The following STX17 variants were observed in gnomAD, a reference collection of about 807,000 sequenced individuals.
The protein encoded by STX17 is syntaxin 17.
Under a neutral mutation model 35.9 loss-of-function variants are expected in STX17, and 29 were observed. The observed-to-expected ratio is 0.81, with a 90% CI of 0.60 to 1.10. The LOEUF is 1.10. Ranked by LOEUF, STX17 falls within the 50% of genes least tolerant of loss-of-function variation. The probability of loss-of-function intolerance (pLI) is 0.00; values close to 1 mark genes in which losing one functional copy is unlikely to be tolerated. For missense variants in STX17, 312 were observed against 352.3 expected, an observed-to-expected ratio of 0.89 and a Z score of 0.92; for synonymous variants, 92 against 118.3, an observed-to-expected ratio of 0.78 and a Z score of 1.44.
chr9:99,950,110 G>A (rs1829563970), intron 3 of STX17, among the ~76,000 whole-genome samples: 1 of 151,876 alleles, frequency 6.6e-6, no homozygotes, highest in Non-Finnish European at 1.5e-5. Flanking sequence ...ATTCATTATA[G>A]CAACATATTA....
chr9:99,916,692 G>T (rs908035855), intron 2 of STX17, among the ~76,000 whole-genome samples: 1 of 151,988 alleles, frequency 6.6e-6, no homozygotes, highest in Non-Finnish European at 1.5e-5. Flanking sequence ...CTAGAATTTA[G>T]GATTAGTATT....
At chr9:99,921,969 G>A (rs1828897856) in intron 2 of STX17, among the ~76,000 whole-genome samples, 1 of 152,018 alleles carries the variant, frequency 6.6e-6, no homozygotes, top group Non-Finnish European at 1.5e-5. Flanking sequence ...AAAAAATATG[G>A]AGTTGAATAG....
chr9:99,956,076 C>T (rs956915887), intron 4 of STX17, among the ~76,000 whole-genome samples: 1 of 152,006 alleles, frequency 6.6e-6, no homozygotes, highest in Non-Finnish European at 1.5e-5. Context: ...AATTGATTAG[C>T]GAGGTTTAGA....
chr9:99,941,080 A>G (rs943536725), intron 3 of STX17, among the ~76,000 whole-genome samples: 2 of 152,224 alleles, frequency 1.3e-5, no homozygotes, highest in Non-Finnish European at 2.9e-5. Context: ...AATGTTTCAT[A>G]TGCTAGTGAC....
chr9:99,921,416 A>C (rs1356001459), intron 2 of STX17, among the ~76,000 whole-genome samples: 1 of 152,052 alleles, frequency 6.6e-6, no homozygotes, highest in Non-Finnish European at 1.5e-5. Context: ...TGGACTTTAC[A>C]GTTATCATTG....
chr9:99,926,642 T>C (rs1030668960), intron 2 of STX17, among the ~76,000 whole-genome samples: 7 of 151,902 alleles, frequency 4.6e-5, no homozygotes, highest in Non-Finnish European at 1.5e-5. Context: ...GGACTACAGG[T>C]GCCTGTCACC....
intron 4 of STX17, among the ~76,000 whole-genome samples, chr9:99,959,243 T>TA (rs1394800291): frequency 2.6e-5 from 4 of 151,038 alleles, no homozygotes; most frequent in Non-Finnish European, 3.0e-5. Flanking sequence ...CTGTGTAGAT[T>TA]AAAAAAATAT....
rs1197925186 is a variant in STX17, at chr9:99,970,830, A to C, written c.*2157A>C. Reference sequence around the variant, plus strand: ...TCATTATAAGGTAAATCTGGTTTACATAAAGACCTGAAGGAGGCCTGTATT... The same window carrying C: ...TCATTATAAGGTAAATCTGGTTTACCTAAAGACCTGAAGGAGGCCTGTATT... On this transcript the variant is annotated 3_prime_UTR_variant, in exon 8 of 8. Coordinates refer to ENST00000259400, the MANE Select transcript of STX17 (RefSeq NM_017919.3). Among the ~76,000 whole-genome samples the C allele has an allele frequency of 6.6e-6, 1 of 152,226 alleles. No individual in the cohort carries two copies. Among genetic ancestry groups the C allele is most frequent in the African/African-American group, 2.4e-5 (1 of 41,448 alleles).
rs1049443542 is a variant in STX17, at chr9:99,911,911, A to G, written c.-62-3267A>G. On this transcript the variant is annotated intron_variant, in intron 1 of 7. Coordinates refer to ENST00000259400, the MANE Select transcript of STX17 (RefSeq NM_017919.3). Reference sequence around the variant, plus strand: ...TTTCATAATGGCTGTACTAATTTACATTCCCACCAACAGTGTATAAGAGTC... The same window carrying G: ...TTTCATAATGGCTGTACTAATTTACGTTCCCACCAACAGTGTATAAGAGTC... Among the ~76,000 whole-genome samples, 20 of 152,152 alleles carry G rather than the reference A, an allele frequency of 1.3e-4. 1 individual carries two copies. The highest frequency in any genetic ancestry group is 9.8e-4 in the Admixed American group (15 of 15,276).
rs540118003 is a variant in STX17, at chr9:99,972,424, C to T, written c.*3751C>T. Among the ~76,000 whole-genome samples the T allele has an allele frequency of 1.2e-4, 18 of 152,258 alleles. No homozygotes were observed. Among genetic ancestry groups the T allele is most frequent in the Admixed American group, 3.3e-4 (5 of 15,282 alleles). ...TAGACCAATTTTGAAACTGTTCTTT[C>T]AGAATTGCCTCCAAAGACATTTTGC... On this transcript the variant is annotated 3_prime_UTR_variant, in exon 8 of 8. Coordinates refer to ENST00000259400, the MANE Select transcript of STX17 (RefSeq NM_017919.3).
At chr9:99,950,891 C>A (rs1169355184) in intron 3 of STX17, among the ~76,000 whole-genome samples, 169 bp from the exon 4 acceptor site, 1 of 151,918 alleles carries the variant, frequency 6.6e-6, no homozygotes, top group East Asian at 1.9e-4. Flanking sequence ...TCCAAAGATG[C>A]TGCATTTGGC....
intron 1 of STX17, 142 bp from the exon 2 acceptor site, chr9:99,915,036 A>G (rs1828737648): frequency 1.0e-5 from 4 of 384,030 alleles, no homozygotes; most frequent in Non-Finnish European, 1.7e-5. Flanking sequence ...GTGGTTTCAT[A>G]AAGAAAAAAA....
chr9:99,941,147 G>T (rs1181075070), intron 3 of STX17, among the ~76,000 whole-genome samples: 1 of 152,206 alleles, frequency 6.6e-6, no homozygotes, highest in Non-Finnish European at 1.5e-5. Flanking sequence ...GATGCATGTT[G>T]TTGGACCACT....
chr9:99,962,493 T>C (rs898249641), intron 6 of STX17, among the ~76,000 whole-genome samples: 3 of 152,196 alleles, frequency 2.0e-5, no homozygotes, highest in African/African-American at 7.2e-5. Flanking sequence ...AAATGTGTTT[T>C]AATATATGTA....
intron 2 of STX17, 47 bp from the exon 3 acceptor site, chr9:99,928,731 C>A: frequency 6.5e-7 from 1 of 1,548,324 alleles, no homozygotes; most frequent in Non-Finnish European, 8.9e-7. Context: ...GGGAAATAAC[C>A]CTTTAGTGAT....
intron 3 of STX17, among the ~76,000 whole-genome samples, chr9:99,943,340 C>T (rs1457350497): frequency 6.6e-6 from 1 of 150,516 alleles, no homozygotes; most frequent in Non-Finnish European, 1.5e-5. Flanking sequence ...TGGTGTCTCA[C>T]TCTGTCACCC....
At chr9:99,935,376 T>G (rs1829212015) in intron 3 of STX17, among the ~76,000 whole-genome samples, 1 of 151,964 alleles carries the variant, frequency 6.6e-6, no homozygotes, top group African/African-American at 2.4e-5. Context: ...GTTTACAGTT[T>G]ACTATCTGTA....
At chr9:99,915,929 G>A (rs1828759359) in intron 2 of STX17, 1 of 409,994 alleles carries the variant, frequency 2.4e-6, no homozygotes, top group Non-Finnish European at 4.8e-6. Context: ...ATTGATTGAT[G>A]GTGCACTATA....
chr9:99,921,850 G>A (rs1828895164), intron 2 of STX17, among the ~76,000 whole-genome samples: 2 of 151,948 alleles, frequency 1.3e-5, no homozygotes, highest in Admixed American at 1.3e-4. Flanking sequence ...CTCATCTGAA[G>A]TATCTAGGTT....
Sources: allele counts gnomAD v4.1 joint callset (sites outside exome capture counted in the v4.1 genomes callset), GRCh38; gene constraint gnomAD v4.1.1; transcripts MANE v1.5; gene names NCBI Gene and HGNC (gene_info 2026-07-23, HGNC 2026-07-21).